ZNF8: variants seen among roughly 807,000 people sequenced by gnomAD.
The protein encoded by ZNF8 is zinc finger protein 8.
In ZNF8, 9 loss-of-function variants were observed where a neutral mutation model predicts 12.2. That is an observed-to-expected ratio of 0.73 (90% CI 0.44 to 1.28). The LOEUF (loss-of-function observed/expected upper bound fraction) is 1.28. ZNF8 is among the 50% of genes most tolerant of loss of function. The pLI is 0.00. For missense variants in ZNF8, 664 were observed against 729.1 expected, an observed-to-expected ratio of 0.91 and a Z score of 1.03; for synonymous variants, 274 against 282.3, an observed-to-expected ratio of 0.97 and a Z score of 0.30.
At position 58,279,753 on chromosome 19, in the gene ZNF8, A is replaced by G. The variant is rs1376500911; in HGVS notation, c.66+606A>G. On this transcript the variant is annotated intron_variant, in intron 1 of 3. Coordinates refer to ENST00000621650, the MANE Select transcript of ZNF8 (RefSeq NM_021089.3). ...CAGGGCGGTCAGTGTTTGCAGGGCC[A>G]TCTGGCCATCAGAGCTCCACTTTCT... The G allele has an allele frequency of 8.0e-6, 12 of 1,502,382 alleles. No homozygotes were observed. In the Admixed American group the frequency reaches 2.2e-4, roughly 28 times the overall value. 93.1% of individuals were successfully genotyped at this position (1,502,382 alleles called of 1,614,324 possible).
rs1366265371 is a variant in ZNF8, at chr19:58,279,675, A to G, written c.66+528A>G. The stretch of plus-strand genomic sequence containing the variant: ...GATGGGTCACCACGCACTGAGTGTG[A>G]TGAGAGTGACCACCAGGGTCGTCCC... On this transcript the variant is annotated intron_variant, in intron 1 of 3. Coordinates refer to ENST00000621650, the MANE Select transcript of ZNF8 (RefSeq NM_021089.3). 2.0e-6 allele frequency: 3 copies of G among 1,532,370 alleles called. No homozygotes were observed. In the Admixed American group the frequency reaches 5.9e-5, roughly 30 times the overall value. 94.9% of individuals were successfully genotyped at this position (1,532,370 alleles called of 1,614,324 possible).
At chr19:58,291,656 G>A (rs572760242) in intron 3 of ZNF8, among the ~76,000 whole-genome samples, 4 of 152,348 alleles carry the variant, frequency 2.6e-5, no homozygotes, top group Non-Finnish European at 5.9e-5. Flanking sequence ...TCAGCATCTG[G>A]GAGATGGAAG....
In ZNF8 at chr19:58,285,826, G is replaced by A. The variant is rs766989359; in HGVS notation, c.176G>A (p.Gly59Asp). The change falls in exon 2 of 4, where the codon GGT becomes GAT. Residue 59 changes from glycine to aspartate, a missense_variant. Gly to Asp is a moderately conservative substitution (Grantham distance 94). Transcript: ENST00000621650. The stretch of plus-strand genomic sequence containing the variant: ...CGTGACGTGATGCTGGAGACCTTTG[G>A]TCACCTGCTCTCCATAGGTAAGCCC... Reference protein sequence around the residue: ...LYRDVMLETFGHLLSIGPELP... With the variant: ...LYRDVMLETFDHLLSIGPELP... 1.9e-6 allele frequency: 3 copies of A among 1,612,794 alleles called. No homozygotes were observed. The highest frequency in any genetic ancestry group is 2.5e-6 in the Non-Finnish European group (3 of 1,179,334).
intron 1 of ZNF8, among the ~76,000 whole-genome samples, chr19:58,282,785 G>T (rs1303394615): frequency 6.7e-6 from 1 of 150,278 alleles, no homozygotes; most frequent in Non-Finnish European, 1.5e-5. Flanking sequence ...ACGCTGCCAC[G>T]CCCGGCTAAT....
intron 3 of ZNF8, among the ~76,000 whole-genome samples, chr19:58,292,604 A>G (rs944563220): frequency 6.6e-6 from 1 of 152,150 alleles, no homozygotes; most frequent in Non-Finnish European, 1.5e-5. Context: ...TCCCCTGCCA[A>G]CCAGTAACCT....
At chr19:58,287,865 C>CT (rs35762006) in intron 3 of ZNF8, among the ~76,000 whole-genome samples, 3,729 of 115,614 alleles carry the variant, frequency 0.032, 304 homozygotes, top group African/African-American at 0.11. Flanking sequence ...TTCTTTCTTC[C>CT]TTTTTTTTTT....
intron 3 of ZNF8, among the ~76,000 whole-genome samples, chr19:58,293,395 A>G (rs2051432768): frequency 6.6e-6 from 1 of 152,192 alleles, no homozygotes; most frequent in African/African-American, 2.4e-5. Flanking sequence ...TTGAGCTTCT[A>G]CTACTTGTCA....
At position 58,292,747 on chromosome 19, in the gene ZNF8, A is replaced by G. The variant is rs146344235; in HGVS notation, c.290-1351A>G. On this transcript the variant is annotated intron_variant, in intron 3 of 3. Transcript: ENST00000621650. ...GCTTATCCATGTTGTAGCGTATGTC[A>G]GTACTTTGTTCTTTTTTGTGGCTGC... 2.4e-3 allele frequency among the ~76,000 whole-genome samples: 366 copies of G among 152,290 alleles called. 2 individuals are homozygous for G. Among genetic ancestry groups the G allele is most frequent in the Admixed American group, 5.5e-3 (84 of 15,288 alleles).
In ZNF8 at chr19:58,279,025, A is replaced by T. The variant is rs1039139185; in HGVS notation, c.-57A>T. 7.4e-7 allele frequency: 1 copy of T among 1,351,876 alleles called. No homozygotes were observed. The highest frequency in any genetic ancestry group is 9.6e-7 in the Non-Finnish European group (1 of 1,043,278). 83.7% of individuals were successfully genotyped at this position (1,351,876 alleles called of 1,614,324 possible). A position where few individuals can be genotyped will look rare whatever the true frequency, so the allele number is the denominator to read the frequency against. ...CGAGTCGGGTGGTCCCTTTGGCTGG[A>T]GTGCCTCTCTGGTCTGGGGATCACC... is the stretch of plus-strand genomic sequence containing the variant. On this transcript the variant is annotated 5_prime_UTR_variant, in exon 1 of 4. Transcript: ENST00000621650.
Position 58,286,144 on chromosome 19 carries a change from G to A in ZNF8, c.228G>A (p.Gln76=), listed in dbSNP as rs954087805. ...PELPKPEVIS[Q]LEQGTELWVA... is the part of the protein sequence containing the mutation. ...TTCCGAAGCCTGAAGTCATCTCCCA[G>A]CTGGAGCAAGGGACCGAGCTATGGG... is the stretch of plus-strand genomic sequence containing the variant. The change falls in exon 3 of 4, where the codon CAG becomes CAA. Residue 76 remains glutamine, a synonymous_variant. Transcript: ENST00000621650. 2 of 1,614,100 alleles carry A rather than the reference G, an allele frequency of 1.2e-6. No homozygotes were observed. The highest frequency in any genetic ancestry group is 1.7e-6 in the Non-Finnish European group (2 of 1,180,006).
At chr19:58,289,501 A>AG (rs1300392420) in intron 3 of ZNF8, among the ~76,000 whole-genome samples, 1 of 131,506 alleles carries the variant, frequency 7.6e-6, no homozygotes, top group African/African-American at 2.9e-5. Context: ...GTCTCAAAGA[A>AG]AAAAAAAAAA....
intron 1 of ZNF8, 100 bp from the exon 2 acceptor site, chr19:58,285,617 G>T: frequency 6.4e-7 from 1 of 1,566,136 alleles, no homozygotes; most frequent in Non-Finnish European, 8.8e-7. Context: ...GCAGTCTCTC[G>T]TGACACAGGC....
intron 1 of ZNF8, among the ~76,000 whole-genome samples, chr19:58,285,390 A>G (rs1430808906): frequency 1.3e-5 from 2 of 152,162 alleles, no homozygotes. Flanking sequence ...TGTTTTACTT[A>G]AAACAGTAAC....
rs2051443552 is a variant in ZNF8, at chr19:58,294,921, C to T, written c.1113C>T (p.Cys371=). 1 of 1,614,214 alleles carries T rather than the reference C, an allele frequency of 6.2e-7. No homozygotes were observed. The highest frequency in any genetic ancestry group is 8.5e-7 in the Non-Finnish European group (1 of 1,180,042). ...RTHTGEKPYT[C]SVCGKSFSRT... ...ACACTGGGGAGAAGCCATACACCTGCAGTGTGTGTGGGAAATCCTTCTCTC... is the reference window on the plus strand; with the variant it reads ...ACACTGGGGAGAAGCCATACACCTGTAGTGTGTGTGGGAAATCCTTCTCTC... The change falls in exon 4 of 4, where the codon TGC becomes TGT. Residue 371 remains cysteine, a synonymous_variant. Transcript: ENST00000621650. This position sits in a 1 kb window ranked among gnomAD's most constrained non-coding sequence, Gnocchi z 5.5.
chr19:58,285,158 T>TG (rs1416456929), intron 1 of ZNF8, among the ~76,000 whole-genome samples: 2 of 29,990 alleles, frequency 6.7e-5, no homozygotes, highest in Non-Finnish European at 9.1e-5. Context: ...TGTTTTTTTG[T>TG]TTTTTTTTTT....
chr19:58,283,799 T>C (rs1459421937), intron 1 of ZNF8, among the ~76,000 whole-genome samples: 3 of 151,338 alleles, frequency 2.0e-5, no homozygotes, highest in African/African-American at 7.3e-5. Context: ...CAGGGTTTCA[T>C]CGTGTTAGCC....
intron 1 of ZNF8, chr19:58,279,703 G>A (rs1338821141): frequency 6.5e-7 from 1 of 1,527,248 alleles, no homozygotes; most frequent in East Asian, 2.5e-5. Flanking sequence ...GTCGTCCCCT[G>A]CGAGACTGTG....
At chr19:58,290,746 G>A (rs2051414502) in intron 3 of ZNF8, among the ~76,000 whole-genome samples, 1 of 151,994 alleles carries the variant, frequency 6.6e-6, no homozygotes, top group Non-Finnish European at 1.5e-5. Context: ...GAGCAACAGA[G>A]CATTAAAAAA....
At position 58,295,499 on chromosome 19, in the gene ZNF8, G is replaced by A; in HGVS notation, c.1691G>A (p.Gly564Asp). 1.2e-6 allele frequency: 2 copies of A among 1,606,914 alleles called. No homozygotes were observed. Among genetic ancestry groups the A allele is most frequent in the Middle Eastern group, 1.7e-4 (1 of 6,034 alleles). The change falls in exon 4 of 4, where the codon GGT becomes GAT. Residue 564 changes from glycine to aspartate, a missense_variant. Physicochemically the swap from Gly to Asp is moderately conservative, Grantham distance 94. This residue lies in a region of ZNF8 where 225 missense variants were observed against 222.0 expected (regional missense o/e 1.01). Coordinates refer to ENST00000621650, the MANE Select transcript of ZNF8 (RefSeq NM_021089.3). ...ATTGGGGTGGAAGAGCCTTCTGTGG[G>A]TGCTTCCATGTTATTTGACATCAGA... is the stretch of plus-strand genomic sequence containing the variant. Reference protein sequence around the residue: ...HVIGVEEPSVGASMLFDIRES... With the variant: ...HVIGVEEPSVDASMLFDIRES...
Sources: gnomAD v4.1 joint callset for allele counts (sites outside exome capture counted in the v4.1 genomes callset) on GRCh38, gnomAD v4.1.1 for gene constraint, gnomAD v4.1.1 regional missense constraint, Gnocchi (gnomAD v3.1) non-coding constraint, MANE v1.5 for transcripts, NCBI Gene and HGNC (gene_info 2026-07-23, HGNC 2026-07-21) for gene names.